AAK1: variants seen among roughly 807,000 people sequenced by gnomAD.
AAK1 encodes AP2 associated kinase 1.
In AAK1, 37 loss-of-function variants were observed where a neutral mutation model predicts 116.0. The observed-to-expected ratio is 0.32, with a 90% confidence interval of 0.25 to 0.42. The LOEUF is 0.42. Among genes scored for constraint, AAK1 ranks in the 10% least tolerant of loss-of-function variants. The pLI is 1.00. For missense variants in AAK1, 919 were observed against 1,170.6 expected (o/e 0.79, Z 3.14); for synonymous variants, 458 against 439.9 (o/e 1.04, Z -0.51).
At chr2:69,608,073 G>A (rs950640075) in intron 2 of AAK1, among the ~76,000 whole-genome samples, 1 of 152,248 alleles carries the variant, frequency 6.6e-6, no homozygotes, top group Non-Finnish European at 1.5e-5. Context: ...ATTTAGTCAA[G>A]ATGGAGCAGG....
chr2:69,571,788 G>A (rs936445794), intron 2 of AAK1, among the ~76,000 whole-genome samples: 1 of 152,206 alleles, frequency 6.6e-6, no homozygotes, highest in African/African-American at 2.4e-5. Flanking sequence ...GACAGACACA[G>A]AGAAGTGGAC....
At chr2:69,489,221 CG>C (rs1025231553) in intron 17 of AAK1, among the ~76,000 whole-genome samples, 64 of 151,404 alleles carry the variant, frequency 4.2e-4, no homozygotes, top group African/African-American at 1.5e-3. Flanking sequence ...GAAGCTGAGG[CG>C]GGTGGATCAC....
intron 17 of AAK1, among the ~76,000 whole-genome samples, chr2:69,495,690 A>G (rs1458245270): frequency 6.6e-6 from 1 of 152,176 alleles, no homozygotes; most frequent in Non-Finnish European, 1.5e-5. Flanking sequence ...GTTCTTTCCA[A>G]TACAGAGGCC....
At chr2:69,495,084 G>A (rs1328994742) in intron 17 of AAK1, among the ~76,000 whole-genome samples, 1 of 151,990 alleles carries the variant, frequency 6.6e-6, no homozygotes, top group Non-Finnish European at 1.5e-5. Flanking sequence ...GGCAACAATG[G>A]GAAAAAAGGA....
chr2:69,507,683 C>T (rs1315007233), intron 14 of AAK1, 105 bp from the exon 15 acceptor site: 2 of 1,028,056 alleles, frequency 1.9e-6, no homozygotes, highest in Non-Finnish European at 2.7e-6. Context: ...TTTTCTGGGT[C>T]AAACCATCAT....
At chr2:69,505,873 A>C (rs1486463167) in intron 15 of AAK1, among the ~76,000 whole-genome samples, 200 bp from the exon 16 acceptor site, 2 of 152,236 alleles carry the variant, frequency 1.3e-5, no homozygotes, top group South Asian at 2.1e-4. Context: ...AATTGTTAAG[A>C]ATCAAAAGAG....
rs1674486698 is a variant in AAK1, at chr2:69,466,377, G to A, written c.*9492C>T. 2 of 1,289,718 alleles carry A rather than the reference G, an allele frequency of 1.6e-6. No individual in the cohort carries two copies. Among genetic ancestry groups the A allele is most frequent in the South Asian group, 2.5e-5 (2 of 81,038 alleles). The allele number at this position is 1,289,718 out of a possible 1,614,324, so 79.9% of individuals were successfully genotyped here. Reference sequence around the variant, plus strand: ...CCCTTCCTCTTCGCTGCTGTGGAATGAGCTGTTGCTTGAAGGGCCATCTCT... The same window carrying A: ...CCCTTCCTCTTCGCTGCTGTGGAATAAGCTGTTGCTTGAAGGGCCATCTCT... On this transcript the variant is annotated 3_prime_UTR_variant, in exon 22 of 22. Transcript: ENST00000409085.
At chr2:69,526,828 T>C (rs1366278665) in intron 9 of AAK1, among the ~76,000 whole-genome samples, 1 of 152,006 alleles carries the variant, frequency 6.6e-6, no homozygotes, top group Non-Finnish European at 1.5e-5. Flanking sequence ...GGGGCGTAGG[T>C]TCTAACAGGC....
At chr2:69,565,881 G>A (rs1014100354) in intron 2 of AAK1, among the ~76,000 whole-genome samples, 4 of 147,860 alleles carry the variant, frequency 2.7e-5, no homozygotes, top group African/African-American at 1.0e-4. Flanking sequence ...CGTACACTAT[G>A]CAGGTGGCAG....
intron 2 of AAK1, among the ~76,000 whole-genome samples, chr2:69,568,389 T>A (rs1258098215): frequency 6.6e-6 from 1 of 151,834 alleles, no homozygotes; most frequent in East Asian, 1.9e-4. Context: ...GGTTATGGAA[T>A]ACGCACTGGC....
intron 5 of AAK1, among the ~76,000 whole-genome samples, chr2:69,532,373 A>C (rs13389852): frequency 0.15 from 23,474 of 152,052 alleles, 2,511 homozygotes; most frequent in African/African-American, 0.3. Flanking sequence ...GTGGAGAGGG[A>C]AAAAAGAGGA....
At chr2:69,605,598 T>C (rs1174096088) in intron 2 of AAK1, among the ~76,000 whole-genome samples, 1 of 152,114 alleles carries the variant, frequency 6.6e-6, no homozygotes, top group Non-Finnish European at 1.5e-5. Context: ...ACAGACCTTA[T>C]TCACTCCAGG....
At chr2:69,606,258 T>C (rs964785903) in intron 2 of AAK1, among the ~76,000 whole-genome samples, 3 of 152,194 alleles carry the variant, frequency 2.0e-5, no homozygotes, top group Admixed American at 6.5e-5. Flanking sequence ...TGGGTGTCCA[T>C]GTCTTCCCCA....
chr2:69,518,188 T>C (rs1017382857), intron 12 of AAK1, among the ~76,000 whole-genome samples: 1 of 152,122 alleles, frequency 6.6e-6, no homozygotes, highest in Non-Finnish European at 1.5e-5. Context: ...GAAAAAAATA[T>C]ATGAAAAGAT....
At chr2:69,501,459 G>A (rs1325904273) in intron 16 of AAK1, among the ~76,000 whole-genome samples, 2 of 152,004 alleles carry the variant, frequency 1.3e-5, no homozygotes, top group East Asian at 3.8e-4. Flanking sequence ...AAAGGTTGAA[G>A]CGAGGCAACT....
At chr2:69,526,041 A>G (rs1670009411) in intron 9 of AAK1, among the ~76,000 whole-genome samples, 1 of 152,094 alleles carries the variant, frequency 6.6e-6, no homozygotes, top group South Asian at 2.1e-4. Flanking sequence ...AACTTCTAGC[A>G]CTTCCTCTTC....
chr2:69,492,686 C>T (rs1475757539), intron 17 of AAK1, among the ~76,000 whole-genome samples: 1 of 151,462 alleles, frequency 6.6e-6, no homozygotes, highest in African/African-American at 2.4e-5. Context: ...CCACGCCTGG[C>T]TAATTTTTGT....
chr2:69,481,743 T>TAA (rs1430985448), intron 18 of AAK1: 1 of 152,246 alleles, frequency 6.6e-6, no homozygotes, highest in Non-Finnish European at 1.5e-5. Context: ...ATTCTATTTA[T>TAA]GGGGCTTAAC....
chr2:69,569,806 G>A (rs1672021406), intron 2 of AAK1, among the ~76,000 whole-genome samples: 1 of 152,152 alleles, frequency 6.6e-6, no homozygotes, highest in Admixed American at 6.5e-5. Flanking sequence ...GAATGTATTA[G>A]TAGTTTGTTA....
Sources: allele counts gnomAD v4.1 joint callset (sites outside exome capture counted in the v4.1 genomes callset), GRCh38; gene constraint gnomAD v4.1.1; transcripts MANE v1.5; gene names NCBI Gene and HGNC (gene_info 2026-07-23, HGNC 2026-07-21).